C8orf34: variants seen among roughly 807,000 people sequenced by gnomAD.
The protein encoded by C8orf34 is uncharacterized protein C8orf34.
A neutral mutation model predicts 68.3 loss-of-function variants in C8orf34; 65 were observed. That is an observed-to-expected ratio of 0.95 (90% CI 0.78 to 1.17). The LOEUF (loss-of-function observed/expected upper bound fraction) is 1.17. Among genes scored for constraint, C8orf34 ranks in the 50% most tolerant of loss-of-function variants. C8orf34 has a pLI of 0.00. For missense variants in C8orf34, 664 were observed against 655.4 expected (o/e 1.01, Z -0.14); for synonymous variants, 244 against 241.2 (o/e 1.01, Z -0.11).
intron 10 of C8orf34, among the ~76,000 whole-genome samples, chr8:68,748,469 A>G (rs71268803): frequency 6.6e-6 from 1 of 150,900 alleles, no homozygotes; most frequent in East Asian, 2.0e-4. Flanking sequence ...ATGGGAGAAA[A>G]TTTTTGCAAC....
In C8orf34 at chr8:68,535,316, G is replaced by A. The variant is rs555843236; in HGVS notation, c.1105+2167G>A. ...TTGAATCTACATTTTGTAGATGTGT[G>A]TGCTATAGCTTATGTGTTTGTAAAT... On this transcript the variant is annotated intron_variant, in intron 7 of 13. Coordinates refer to ENST00000518698, the MANE Select transcript of C8orf34 (RefSeq NM_052958.4). 11 of 981,548 alleles carry A rather than the reference G, an allele frequency of 1.1e-5. No homozygotes were observed. In the African/African-American group the frequency reaches 1.8e-4, roughly 16 times the overall value. The allele number at this position is 981,548 out of a possible 1,614,324, so 60.8% of individuals were successfully genotyped here.
chr8:68,710,121 C>A (rs1391017624), intron 9 of C8orf34, among the ~76,000 whole-genome samples: 1 of 152,080 alleles, frequency 6.6e-6, no homozygotes, highest in African/African-American at 2.4e-5. Flanking sequence ...GGACAGGAGG[C>A]AGGACTAGAT....
intron 1 of C8orf34, among the ~76,000 whole-genome samples, chr8:68,388,382 T>A (rs1808347724): frequency 6.6e-6 from 1 of 152,180 alleles, no homozygotes; most frequent in Admixed American, 6.5e-5. Context: ...TCACCTCAGC[T>A]AGCTGAGAAT....
Position 68,508,684 on chromosome 8 carries a change from T to A in C8orf34, c.766-13115T>A, listed in dbSNP as rs545346399. Among the ~76,000 whole-genome samples, 4 of 152,284 alleles carry A rather than the reference T, an allele frequency of 2.6e-5. No individual in the cohort carries two copies. In the East Asian group the frequency reaches 7.7e-4, roughly 29 times the overall value. On this transcript the variant is annotated intron_variant, in intron 5 of 13. Transcript: ENST00000518698. Reference sequence around the variant, plus strand: ...CTTGTCCAGAGTGACTTCAGTCTGTTCCAAATGTTTTGCATCTGCCTTTTG... The same window carrying A: ...CTTGTCCAGAGTGACTTCAGTCTGTACCAAATGTTTTGCATCTGCCTTTTG...
intron 8 of C8orf34, among the ~76,000 whole-genome samples, chr8:68,655,745 G>GT (rs1291739122): frequency 3.3e-5 from 5 of 152,218 alleles, no homozygotes; most frequent in African/African-American, 4.8e-5. Context: ...AACCCCATCC[G>GT]TAAGTCGAGG....
In C8orf34 at chr8:68,505,594, G is replaced by A. The variant is rs1813977286; in HGVS notation, c.766-16205G>A. 2.2e-5 allele frequency among the ~76,000 whole-genome samples: 3 copies of A among 133,508 alleles called. 1 individual carries two copies. Among genetic ancestry groups the A allele is most frequent in the African/African-American group, 7.3e-5 (2 of 27,284 alleles). The allele number at this position is 133,508 out of a possible 152,430, so 87.6% of individuals were successfully genotyped here. A position where few individuals can be genotyped will look rare whatever the true frequency, so the allele number is the denominator to read the frequency against. ...AAAATACAAAAAATTAGCCGGGCGC[G>A]GTGGCGGGCGCCTGTAGTCCCAGCT... On this transcript the variant is annotated intron_variant, in intron 5 of 13. Transcript: ENST00000518698.
chr8:68,637,421 G>T (rs1430163657), intron 7 of C8orf34, among the ~76,000 whole-genome samples: 1 of 152,056 alleles, frequency 6.6e-6, no homozygotes, highest in African/African-American at 2.4e-5. Flanking sequence ...TAGAATTAGG[G>T]TGTCTGTGTA....
intron 1 of C8orf34, among the ~76,000 whole-genome samples, chr8:68,339,652 A>G (rs978587926): frequency 2.0e-5 from 3 of 152,008 alleles, no homozygotes; most frequent in Non-Finnish European, 4.4e-5. Flanking sequence ...ATTGGTGTAA[A>G]TTGAAATGGA....
At chr8:68,671,045 A>G (rs1029637190) in intron 8 of C8orf34, among the ~76,000 whole-genome samples, 1 of 152,128 alleles carries the variant, frequency 6.6e-6, no homozygotes, top group African/African-American at 2.4e-5. Context: ...TATAGTTTTG[A>G]ATAGTTAACT....
chr8:68,606,821 G>C (rs1563557865), intron 7 of C8orf34, among the ~76,000 whole-genome samples: 2 of 152,028 alleles, frequency 1.3e-5, no homozygotes, highest in African/African-American at 4.8e-5. Flanking sequence ...TGGTACCATA[G>C]CACTTAATTA....
intron 1 of C8orf34, among the ~76,000 whole-genome samples, chr8:68,346,047 T>C (rs1204650619): frequency 6.6e-6 from 1 of 152,104 alleles, no homozygotes; most frequent in African/African-American, 2.4e-5. Context: ...CCTATGTTGG[T>C]AAAGAAATCA....
chr8:68,408,525 C>G (rs960016555), intron 1 of C8orf34, among the ~76,000 whole-genome samples: 6 of 152,036 alleles, frequency 3.9e-5, no homozygotes, highest in Admixed American at 3.3e-4. Context: ...TGAAATAGCT[C>G]TATGTTTTTC....
intron 10 of C8orf34, among the ~76,000 whole-genome samples, chr8:68,770,689 TA>T (rs1249856492): frequency 6.6e-6 from 1 of 152,232 alleles, no homozygotes; most frequent in Non-Finnish European, 1.5e-5. Flanking sequence ...AAAACGGCTT[TA>T]TTTTTTTTCA....
chr8:68,744,866 T>A (rs1822432321), intron 10 of C8orf34, among the ~76,000 whole-genome samples: 1 of 152,062 alleles, frequency 6.6e-6, no homozygotes, highest in Non-Finnish European at 1.5e-5. Flanking sequence ...AACATTCAGA[T>A]TCAGGAAATA....
At chr8:68,493,435 A>T (rs1813398714) in intron 5 of C8orf34, among the ~76,000 whole-genome samples, 1 of 152,178 alleles carries the variant, frequency 6.6e-6, no homozygotes, top group East Asian at 1.9e-4. Flanking sequence ...TCTGAGACCC[A>T]TTAGGATGGC....
chr8:68,527,803 A>AG (rs1271833426), intron 6 of C8orf34, among the ~76,000 whole-genome samples: 2 of 152,170 alleles, frequency 1.3e-5, no homozygotes, highest in Non-Finnish European at 2.9e-5. Context: ...AAGTGCTCTT[A>AG]GAAAAACCCC....
chr8:68,582,852 T>G (rs1563543665), intron 7 of C8orf34, among the ~76,000 whole-genome samples: 1 of 152,068 alleles, frequency 6.6e-6, no homozygotes, highest in African/African-American at 2.4e-5. Context: ...CATCTTCAAC[T>G]AAAACAAGGA....
intron 10 of C8orf34, among the ~76,000 whole-genome samples, chr8:68,729,124 G>A (rs1412537690): frequency 1.3e-5 from 2 of 152,176 alleles, no homozygotes; most frequent in East Asian, 3.8e-4. Context: ...ATTTCAGAAA[G>A]ATTGGACAGC....
intron 8 of C8orf34, among the ~76,000 whole-genome samples, chr8:68,706,181 T>C (rs1821159310): frequency 6.6e-6 from 1 of 152,202 alleles, no homozygotes; most frequent in Admixed American, 6.5e-5. Context: ...CGATTATTGT[T>C]CAGTGGCACA....
Sources: allele counts gnomAD v4.1 joint callset (sites outside exome capture counted in the v4.1 genomes callset), GRCh38; gene constraint gnomAD v4.1.1; transcripts MANE v1.5; gene names NCBI Gene and HGNC (gene_info 2026-07-23, HGNC 2026-07-21).